The following TFAP2D variants were observed in gnomAD, a reference collection of about 807,000 sequenced individuals.
TFAP2D encodes the protein transcription factor AP-2-delta.
In TFAP2D, 9 loss-of-function variants were observed where a neutral mutation model predicts 43.6. The observed-to-expected ratio is 0.21, with a 90% confidence interval of 0.12 to 0.36. TFAP2D has a LOEUF of 0.36. Ranked by LOEUF, TFAP2D falls within the 10% of genes least tolerant of loss-of-function variation. The probability of loss-of-function intolerance (pLI) is 1.00; values close to 1 mark genes in which losing one functional copy is unlikely to be tolerated. For synonymous variants in TFAP2D, 256 were observed against 224.9 expected, an observed-to-expected ratio of 1.14 and a Z score of -1.24; for missense variants, 513 against 561.4, an observed-to-expected ratio of 0.91 and a Z score of 0.87.
intron 7 of TFAP2D, among the ~76,000 whole-genome samples, chr6:50,760,723 T>A (rs1041458781): frequency 6.6e-5 from 10 of 152,028 alleles, no homozygotes; most frequent in Non-Finnish European, 5.9e-5. Flanking sequence ...ATAGATGCCA[T>A]TGAGTTCTGG....
At chr6:50,768,330 T>TC (rs1249725908) in intron 7 of TFAP2D, among the ~76,000 whole-genome samples, 1 of 137,836 alleles carries the variant, frequency 7.3e-6, no homozygotes, top group Non-Finnish European at 1.6e-5. Flanking sequence ...CTTTTTTCTC[T>TC]CCCTTTTTTT....
In TFAP2D at chr6:50,773,018, A is replaced by G. The variant is rs545616843; in HGVS notation, c.*154A>G. 4.2e-6 allele frequency: 3 copies of G among 719,992 alleles called. No individual in the cohort carries two copies. Among genetic ancestry groups the G allele is most frequent in the South Asian group, 2.3e-5 (1 of 42,884 alleles). 44.6% of individuals were successfully genotyped at this position (719,992 alleles called of 1,614,324 possible). Reference sequence around the variant, plus strand: ...AAAAATGGAAATGAAAAATGAAACAAAAAAGGACAAAACCAAAAAAAAAAG... The same window carrying G: ...AAAAATGGAAATGAAAAATGAAACAGAAAAGGACAAAACCAAAAAAAAAAG... On this transcript the variant is annotated 3_prime_UTR_variant, in exon 8 of 8. Coordinates refer to ENST00000008391, the MANE Select transcript of TFAP2D (RefSeq NM_172238.4).
chr6:50,746,466 G>A (rs1769126684), intron 6 of TFAP2D, among the ~76,000 whole-genome samples: 1 of 152,020 alleles, frequency 6.6e-6, no homozygotes, highest in Admixed American at 6.6e-5. Context: ...TCAAACTCCT[G>A]GGTTCAAGCA....
intron 2 of TFAP2D, among the ~76,000 whole-genome samples, chr6:50,716,279 G>GTT (rs1286083691): frequency 1.3e-5 from 2 of 152,188 alleles, no homozygotes; most frequent in Admixed American, 6.5e-5. Context: ...GTAGGGTTGA[G>GTT]TTTAATTCTC....
At chr6:50,724,554 G>T (rs1355810600) in intron 3 of TFAP2D, among the ~76,000 whole-genome samples, 8 of 152,086 alleles carry the variant, frequency 5.3e-5, no homozygotes, top group Non-Finnish European at 1.0e-4. Context: ...GGGACCTCTC[G>T]CCACAGCTGG....
intron 3 of TFAP2D, among the ~76,000 whole-genome samples, chr6:50,720,860 A>G: frequency 6.6e-6 from 1 of 152,194 alleles, no homozygotes; most frequent in Admixed American, 6.5e-5. Context: ...GCCTCTTGCT[A>G]CTGCAATTTT....
chr6:50,730,601 T>C (rs889760214), intron 5 of TFAP2D, among the ~76,000 whole-genome samples: 1 of 152,148 alleles, frequency 6.6e-6, no homozygotes, highest in African/African-American at 2.4e-5. Context: ...ATAGTTATCA[T>C]TGTTTAAAAA....
In TFAP2D at chr6:50,730,797, T is replaced by G. The variant is rs116020532; in HGVS notation, c.883+1485T>G. On this transcript the variant is annotated intron_variant, in intron 5 of 7. Transcript: ENST00000008391. ...GGGTGATGGCTTAGGCATCTAAAGT[T>G]TTTAAAGCTCCCCAGGTGATTCTGA... is the stretch of plus-strand genomic sequence containing the variant. Among the ~76,000 whole-genome samples the G allele has an allele frequency of 4.6e-5, 7 of 152,178 alleles. No homozygotes were observed. In the South Asian group the frequency reaches 1.2e-3, roughly 27 times the overall value.
rs552448036 is a variant in TFAP2D, at chr6:50,754,296, T to C, written c.1139+2972T>C. ...ATGTTCATCCATGTCATAGCATGTG[T>C]CAAAATTTTCTTCCTTTTAAGGATG... On this transcript the variant is annotated intron_variant, in intron 7 of 7. Transcript: ENST00000008391. Among the ~76,000 whole-genome samples, 14 of 152,012 alleles carry C rather than the reference T, an allele frequency of 9.2e-5. No homozygotes were observed. The East Asian group carries it at 2.5e-3, about 27-fold the overall frequency.
intron 7 of TFAP2D, among the ~76,000 whole-genome samples, chr6:50,756,587 C>T (rs1474205846): frequency 6.6e-6 from 1 of 151,938 alleles, no homozygotes; most frequent in Non-Finnish European, 1.5e-5. Context: ...TCTGGGAAGC[C>T]GTATGCATAG....
chr6:50,754,735 A>G (rs540713606), intron 7 of TFAP2D, among the ~76,000 whole-genome samples: 1 of 152,044 alleles, frequency 6.6e-6, no homozygotes, highest in East Asian at 1.9e-4. Context: ...AGTGATGTTG[A>G]ACATCTTTTC....
At chr6:50,758,745 T>G (rs1236052937) in intron 7 of TFAP2D, among the ~76,000 whole-genome samples, 1 of 152,024 alleles carries the variant, frequency 6.6e-6, no homozygotes, top group African/African-American at 2.4e-5. Flanking sequence ...GCTGGGAAGG[T>G]CATCAACGGC....
chr6:50,729,028 C>G lies in TFAP2D; in HGVS notation c.764+7C>G. On this transcript the variant is annotated splice_region_variant and intron_variant, in intron 4 of 7. Coordinates refer to ENST00000008391, the MANE Select transcript of TFAP2D (RefSeq NM_172238.4). ...TGGGAGGCATTTTGAGAAGGTAAGA[C>G]AAAGCTATATTCTGGCACAGAATTT... The G allele has an allele frequency of 6.2e-7, 1 of 1,613,294 alleles. No homozygotes were observed. Among genetic ancestry groups the G allele is most frequent in the Non-Finnish European group, 8.5e-7 (1 of 1,179,758 alleles).
rs1237632325 is a variant in TFAP2D at position 50,720,532 on chromosome 6, CACACACAT to C, written c.598+1384_598+1391del. Among the ~76,000 whole-genome samples, 622 of 132,752 alleles carry C rather than the reference CACACACAT, an allele frequency of 4.7e-3. 2 individuals carry two copies. Among genetic ancestry groups the C allele is most frequent in the African/African-American group, 0.015 (566 of 36,606 alleles). 87.1% of individuals were successfully genotyped at this position (132,752 alleles called of 152,430 possible). On this transcript the variant is annotated intron_variant, in intron 3 of 7. Coordinates refer to ENST00000008391, the MANE Select transcript of TFAP2D (RefSeq NM_172238.4). ...ACACACACACACACACACACACACA[CACACACAT>C]ATACGTGGTATAACTCCACAAAGAT...
rs868224529 is a variant in TFAP2D, at chr6:50,715,751, A to T, written c.537+138A>T. The T allele has an allele frequency of 1.2e-4, 70 of 587,466 alleles. 1 individual carries two copies. The highest frequency in any genetic ancestry group is 7.3e-4 in the African/African-American group (34 of 46,474). The allele number at this position is 587,466 out of a possible 1,614,324, so 36.4% of individuals were successfully genotyped here. ...CTCTCTCTCTCTCTCTCTCTCTCTC[A>T]CACACACACACACACACACACACAC... On this transcript the variant is annotated intron_variant, in intron 2 of 7. Coordinates refer to ENST00000008391, the MANE Select transcript of TFAP2D (RefSeq NM_172238.4).
Position 50,715,565 on chromosome 6 carries a change from G to T in TFAP2D, c.489G>T (p.Leu163=). ...QYGMHPDQRL[L]PGPSLGLAAA... ...GAATGCACCCAGATCAAAGACTCCT[G>T]CCAGGGCCCAGCCTGGGGCTGGCCG... The change falls in exon 2 of 8, where the codon CTG becomes CTT. Residue 163 remains leucine, a synonymous_variant. Transcript: ENST00000008391. 6.2e-7 allele frequency: 1 copy of T among 1,607,958 alleles called. No individual in the cohort carries two copies.
intron 7 of TFAP2D, among the ~76,000 whole-genome samples, chr6:50,766,365 GA>G (rs1423390793): frequency 2.0e-5 from 3 of 152,020 alleles, no homozygotes; most frequent in African/African-American, 7.2e-5. Context: ...GGTTCCCAAT[GA>G]ATTTTAGTGT....
chr6:50,722,934 C>T (rs1768752483), intron 3 of TFAP2D, among the ~76,000 whole-genome samples: 2 of 152,216 alleles, frequency 1.3e-5, no homozygotes, highest in Admixed American at 6.5e-5. Context: ...TTAAACACTG[C>T]GGTAGCCTCT....
chr6:50,743,999 G>T (rs1769090559), intron 5 of TFAP2D, among the ~76,000 whole-genome samples: 1 of 152,086 alleles, frequency 6.6e-6, no homozygotes, highest in Admixed American at 6.6e-5. Context: ...CCTTGAATAA[G>T]GTAGGTGAGT....
Sources: allele counts gnomAD v4.1 joint callset (sites outside exome capture counted in the v4.1 genomes callset), GRCh38; gene constraint gnomAD v4.1.1; transcripts MANE v1.5; gene names NCBI Gene and HGNC (gene_info 2026-07-23, HGNC 2026-07-21).